The following SGMS1 variants were observed in gnomAD, a reference collection of about 807,000 sequenced individuals.
SGMS1 encodes the protein sphingomyelin synthase 1.
SGMS1 carries 13 observed loss-of-function variants against 46.2 expected under a neutral mutation model. The observed-to-expected ratio is 0.28, with a 90% CI of 0.18 to 0.45. The LOEUF (loss-of-function observed/expected upper bound fraction) is 0.45. Ranked by LOEUF, SGMS1 falls within the 20% of genes least tolerant of loss-of-function variation. SGMS1 has a pLI of 1.00. For missense variants in SGMS1, 324 were observed against 519.9 expected, an observed-to-expected ratio of 0.62 and a Z score of 3.66; for synonymous variants, 203 against 187.8, an observed-to-expected ratio of 1.08 and a Z score of -0.66.
chr10:50,379,652 GAGAAAAGA>G (rs905395767), intron 6 of SGMS1, among the ~76,000 whole-genome samples: 23 of 152,124 alleles, frequency 1.5e-4, no homozygotes, highest in African/African-American at 5.3e-4. Flanking sequence ...ACCAAAAAGA[GAGAAAAGA>G]AGAAGGGTTT....
chr10:50,529,011 A>G (rs1430703690), intron 2 of SGMS1, among the ~76,000 whole-genome samples: 3 of 152,240 alleles, frequency 2.0e-5, no homozygotes, highest in Middle Eastern at 3.2e-3. Flanking sequence ...AAAAGTGACT[A>G]TATTTCCACA....
chr10:50,343,991 C>G lies in SGMS1; in HGVS notation c.124G>C (p.Glu42Gln). ...CACAAGGGGGGTTTTTTGAAATCCT[C>G]TTGGGTTAGGTTGATCAAGTCCTGG... ...TGQDLINLTQ[E>Q]DFKKPPLCRV... Residue 42 changes from glutamate to glutamine, a missense_variant, in exon 7 of 11, where the codon GAG (glutamate) becomes CAG (glutamine). Physicochemically the swap from Glu to Gln is conservative, Grantham distance 29. Around this residue, in one of 2 missense-constraint regions of SGMS1, gnomAD observed 150 missense variants for 169.8 expected, o/e 0.88. Transcript: ENST00000361781. The G allele has an allele frequency of 6.2e-7, 1 of 1,614,150 alleles. No homozygotes were observed. Among genetic ancestry groups the G allele is most frequent in the Non-Finnish European group, 8.5e-7 (1 of 1,180,020 alleles).
chr10:50,491,667 A>G (rs138584082), intron 3 of SGMS1, among the ~76,000 whole-genome samples: 5 of 152,342 alleles, frequency 3.3e-5, no homozygotes, highest in African/African-American at 4.8e-5. Flanking sequence ...AGATTGAAGC[A>G]GTAACAAATA....
chr10:50,568,966 C>T (rs1357724345), intron 2 of SGMS1, among the ~76,000 whole-genome samples: 3 of 151,894 alleles, frequency 2.0e-5, no homozygotes, highest in African/African-American at 7.3e-5. Flanking sequence ...TACTATGCAG[C>T]CATAAAAAAG....
chr10:50,451,211 C>T (rs2133661209), intron 5 of SGMS1, among the ~76,000 whole-genome samples: 1 of 151,920 alleles, frequency 6.6e-6, no homozygotes, highest in Admixed American at 6.6e-5. Flanking sequence ...CTTTCTAAGC[C>T]CTCCAAATAT....
At chr10:50,545,412 G>A (rs1838092677) in intron 2 of SGMS1, among the ~76,000 whole-genome samples, 1 of 152,072 alleles carries the variant, frequency 6.6e-6, no homozygotes, top group Admixed American at 6.5e-5. Flanking sequence ...GAAAAGGAAA[G>A]GGTTTTGTTG....
chr10:50,469,647 A>C (rs956817489), intron 3 of SGMS1, among the ~76,000 whole-genome samples: 3 of 152,204 alleles, frequency 2.0e-5, no homozygotes, highest in African/African-American at 7.2e-5. Flanking sequence ...CTTTGTAGAC[A>C]TTAACCTAAT....
intron 2 of SGMS1, among the ~76,000 whole-genome samples, chr10:50,589,764 G>A (rs752631676): frequency 3.9e-5 from 6 of 152,164 alleles, no homozygotes; most frequent in Non-Finnish European, 7.3e-5. Flanking sequence ...AAGCCAGCAC[G>A]CCTGGCCTAA....
At chr10:50,371,690 C>T (rs79473159) in intron 6 of SGMS1, among the ~76,000 whole-genome samples, 2,526 of 152,226 alleles carry the variant, frequency 0.017, 67 homozygotes, top group African/African-American at 0.057. Context: ...ACTCCCATGT[C>T]GTCTCTTCAA....
intron 2 of SGMS1, among the ~76,000 whole-genome samples, chr10:50,556,945 G>C (rs1838194034): frequency 6.6e-6 from 1 of 152,168 alleles, no homozygotes; most frequent in Non-Finnish European, 1.5e-5. Context: ...CAATCACTCA[G>C]TCTTCCTTGT....
At chr10:50,507,984 C>A (rs1837722062) in intron 3 of SGMS1, among the ~76,000 whole-genome samples, 2 of 152,136 alleles carry the variant, frequency 1.3e-5, no homozygotes, top group African/African-American at 4.8e-5. Flanking sequence ...TAATCCCCCA[C>A]AACAGATCCC....
intron 3 of SGMS1, among the ~76,000 whole-genome samples, chr10:50,509,236 A>G (rs574629948): frequency 5.3e-5 from 8 of 152,332 alleles, no homozygotes; most frequent in Admixed American, 1.3e-4. Flanking sequence ...TTTCAAAATC[A>G]TATCTTTACT....
chr10:50,569,134 A>T (rs1177009862), intron 2 of SGMS1, among the ~76,000 whole-genome samples: 1 of 150,988 alleles, frequency 6.6e-6, no homozygotes, highest in Non-Finnish European at 1.5e-5. Context: ...GGGGAACATC[A>T]CACACTGGGG....
chr10:50,400,536 G>A (rs1018821450), intron 6 of SGMS1, among the ~76,000 whole-genome samples: 1 of 149,320 alleles, frequency 6.7e-6, no homozygotes, highest in Non-Finnish European at 1.5e-5. Flanking sequence ...CTTCAGCCTC[G>A]AACTCTTGGA....
chr10:50,519,616 G>A (rs1012722862), intron 3 of SGMS1, among the ~76,000 whole-genome samples: 1 of 152,194 alleles, frequency 6.6e-6, no homozygotes, highest in Non-Finnish European at 1.5e-5. Flanking sequence ...CTTCTCCAGT[G>A]GGGGAGCTGG....
intron 6 of SGMS1, among the ~76,000 whole-genome samples, chr10:50,432,410 A>G (rs1205838145): frequency 6.6e-6 from 1 of 152,182 alleles, no homozygotes; most frequent in Non-Finnish European, 1.5e-5. Flanking sequence ...GTGCTACTAC[A>G]TAAGACTTCC....
chr10:50,597,132 C>T (rs1004185457), intron 1 of SGMS1, among the ~76,000 whole-genome samples: 1 of 152,154 alleles, frequency 6.6e-6, no homozygotes, highest in Non-Finnish European at 1.5e-5. Flanking sequence ...GGCATAATAA[C>T]CACCTGGAAC....
At chr10:50,556,094 G>A (rs1228922435) in intron 2 of SGMS1, among the ~76,000 whole-genome samples, 2 of 152,064 alleles carry the variant, frequency 1.3e-5, no homozygotes, top group Non-Finnish European at 2.9e-5. Flanking sequence ...CAACCCTTTG[G>A]TTTGGATTCT....
intron 6 of SGMS1, among the ~76,000 whole-genome samples, chr10:50,396,724 T>C (rs142026360): frequency 6.6e-6 from 1 of 152,306 alleles, no homozygotes; most frequent in Non-Finnish European, 1.5e-5. Context: ...TCACCAATCA[T>C]GGCTGCTTTT....
Sources: gnomAD v4.1 joint callset for allele counts (sites outside exome capture counted in the v4.1 genomes callset) on GRCh38, gnomAD v4.1.1 for gene constraint, gnomAD v4.1.1 regional missense constraint, MANE v1.5 for transcripts, NCBI Gene and HGNC (gene_info 2026-07-23, HGNC 2026-07-21) for gene names.